ACKR2: variants seen among roughly 807,000 people sequenced by gnomAD.
ACKR2 encodes C-C chemokine receptor D6.
For missense variants in ACKR2, 457 were observed against 477.3 expected, an observed-to-expected ratio of 0.96 and a Z score of 0.40; for synonymous variants, 207 against 192.2, an observed-to-expected ratio of 1.08 and a Z score of -0.64.
intron 2 of ACKR2, among the ~76,000 whole-genome samples, chr3:42,857,155 A>G (rs1474907003): frequency 6.6e-6 from 1 of 151,766 alleles, no homozygotes; most frequent in Non-Finnish European, 1.5e-5. Flanking sequence ...CCTGTCATCT[A>G]TTTGTACTCC....
intron 2 of ACKR2, chr3:42,856,595 GAATA>G (rs1269626523): frequency 3.7e-6 from 2 of 538,676 alleles, no homozygotes; most frequent in Non-Finnish European, 6.6e-6. Flanking sequence ...CCCATTAAAA[GAATA>G]AATAATTTAC....
chr3:42,828,375 T>C (rs190693055), intron 2 of ACKR2, among the ~76,000 whole-genome samples: 2,057 of 152,140 alleles, frequency 0.014, 42 homozygotes, highest in African/African-American at 0.047. Flanking sequence ...CCTCCCAAAG[T>C]GTTAGGATTA....
intron 2 of ACKR2, among the ~76,000 whole-genome samples, chr3:42,827,458 C>T (rs1700880334): frequency 6.6e-6 from 1 of 152,178 alleles, no homozygotes. Context: ...CATGTTGTAA[C>T]TGTATCTCCA....
chr3:42,842,997 AAAAAAAG>A (rs1376221351), intron 2 of ACKR2, among the ~76,000 whole-genome samples: 7 of 151,288 alleles, frequency 4.6e-5, no homozygotes, highest in Non-Finnish European at 1.0e-4. Flanking sequence ...AAAAAAAAAA[AAAAAAAG>A]AAAGAAATCA....
intron 2 of ACKR2, among the ~76,000 whole-genome samples, chr3:42,843,594 CT>C (rs1701062551): frequency 1.3e-5 from 2 of 152,170 alleles, no homozygotes; most frequent in South Asian, 4.1e-4. Flanking sequence ...CCCCTGCTGT[CT>C]AGCAGGGTGG....
At chr3:42,853,278 A>G (rs987411095) in intron 2 of ACKR2, among the ~76,000 whole-genome samples, 1 of 152,146 alleles carries the variant, frequency 6.6e-6, no homozygotes, top group Non-Finnish European at 1.5e-5. Context: ...CAGTTCTGCC[A>G]TATACTTGCT....
intron 2 of ACKR2, among the ~76,000 whole-genome samples, chr3:42,854,190 A>G (rs1033074017): frequency 2.6e-5 from 4 of 152,228 alleles, no homozygotes; most frequent in African/African-American, 9.6e-5. Context: ...TGAAGGTTTG[A>G]CAAGAAGCTC....
At chr3:42,831,625 A>G (rs1044011012) in intron 2 of ACKR2, among the ~76,000 whole-genome samples, 6 of 152,178 alleles carry the variant, frequency 3.9e-5, no homozygotes, top group African/African-American at 1.4e-4. Flanking sequence ...AGTAGCTGCA[A>G]TCGCACCCTC....
At chr3:42,827,195 G>A (rs1009515753) in intron 2 of ACKR2, among the ~76,000 whole-genome samples, 1 of 152,210 alleles carries the variant, frequency 6.6e-6, no homozygotes, top group Non-Finnish European at 1.5e-5. Flanking sequence ...GTATTTTGCA[G>A]TTGTTGGGTG....
At chr3:42,861,457 C>T (rs1261365165) in intron 2 of ACKR2, among the ~76,000 whole-genome samples, 1 of 152,176 alleles carries the variant, frequency 6.6e-6, no homozygotes, top group Non-Finnish European at 1.5e-5. Flanking sequence ...GGTACCATTC[C>T]TTGTGAAACT....
chr3:42,832,507 TA>T (rs998277687), intron 2 of ACKR2, among the ~76,000 whole-genome samples: 24 of 138,546 alleles, frequency 1.7e-4, no homozygotes, highest in African/African-American at 4.5e-4. Context: ...AAAAAAAGAA[TA>T]AAAAAAAAAG....
chr3:42,851,884 C>T (rs764438743), intron 2 of ACKR2, among the ~76,000 whole-genome samples: 7 of 152,298 alleles, frequency 4.6e-5, no homozygotes, highest in Non-Finnish European at 8.8e-5. Flanking sequence ...TGTCCACCCT[C>T]TCCCCATCCT....
intron 2 of ACKR2, among the ~76,000 whole-genome samples, chr3:42,820,320 G>A (rs745819773): frequency 6.6e-6 from 1 of 152,118 alleles, no homozygotes; most frequent in South Asian, 2.1e-4. Context: ...CCCTGTTTCA[G>A]GGAAAACCAG....
chr3:42,860,178 A>AG (rs2088368614), intron 2 of ACKR2, among the ~76,000 whole-genome samples: 1 of 142,528 alleles, frequency 7.0e-6, no homozygotes, highest in Non-Finnish European at 1.5e-5. Flanking sequence ...AAAAAAAAAA[A>AG]AAAAAAAAAA....
intron 1 of ACKR2, among the ~76,000 whole-genome samples, chr3:42,818,626 A>G (rs1458282122): frequency 6.6e-6 from 1 of 152,150 alleles, no homozygotes; most frequent in Non-Finnish European, 1.5e-5. Flanking sequence ...CAGTGGCGCG[A>G]TCTCGGCTCA....
chr3:42,814,917 A>T (rs1700734353), intron 1 of ACKR2, among the ~76,000 whole-genome samples: 1 of 152,206 alleles, frequency 6.6e-6, no homozygotes, highest in Non-Finnish European at 1.5e-5. Flanking sequence ...ATGTAAATAA[A>T]TTGGGAGGAT....
At chr3:42,825,598 T>TGTGC (rs1553699643) in intron 2 of ACKR2, among the ~76,000 whole-genome samples, 5 of 151,486 alleles carry the variant, frequency 3.3e-5, no homozygotes, top group Non-Finnish European at 7.4e-5. Flanking sequence ...TGTGTGTGTG[T>TGTGC]GTGCGTGTGT....
chr3:42,832,158 A>C (rs1363052325), intron 2 of ACKR2, among the ~76,000 whole-genome samples: 1 of 152,172 alleles, frequency 6.6e-6, no homozygotes, highest in Non-Finnish European at 1.5e-5. Flanking sequence ...GAAAGCCTCC[A>C]TCTCTTAAGA....
rs1292458239 is a variant in ACKR2 at position 42,852,010 on chromosome 3, G to A, written c.-37-12456G>A. Among the ~76,000 whole-genome samples the A allele has an allele frequency of 1.3e-5, 2 of 152,146 alleles. No individual in the cohort carries two copies. The highest frequency in any genetic ancestry group is 4.8e-5 in the African/African-American group (2 of 41,422). ...CTGAATCAAATGTCATTTAATCAGC[G>A]AGTTTATTCATTTTAGGGGCTGGAA... On this transcript the variant is annotated intron_variant, in intron 2 of 2. Transcript: ENST00000422265. This position sits in a 1 kb window ranked among gnomAD's most constrained non-coding sequence, Gnocchi z 4.3.
Sources: allele counts gnomAD v4.1 joint callset (sites outside exome capture counted in the v4.1 genomes callset), GRCh38; gene constraint gnomAD v4.1.1; non-coding constraint Gnocchi (gnomAD v3.1); transcripts MANE v1.5; gene names NCBI Gene and HGNC (gene_info 2026-07-23, HGNC 2026-07-21).